Variants in ADGRG6 observed in about 807,000 individuals in gnomAD.
The protein encoded by ADGRG6 is adhesion G protein-coupled receptor G6, also known as G-protein coupled receptor 126.
ADGRG6 carries 84 observed loss-of-function variants against 142.4 expected under a neutral mutation model. The observed-to-expected ratio is 0.59, with a 90% CI of 0.49 to 0.71. The LOEUF (loss-of-function observed/expected upper bound fraction) is 0.71, where lower values mean the gene tolerates loss of function less well. Ranked by LOEUF, ADGRG6 falls within the 30% of genes least tolerant of loss-of-function variation. The probability of loss-of-function intolerance (pLI) is 0.00; values close to 1 mark genes in which losing one functional copy is unlikely to be tolerated. For missense variants in ADGRG6, 1,367 were observed against 1,466.6 expected (o/e 0.93, Z 1.11); for synonymous variants, 521 against 520.5 (o/e 1.00, Z -0.01).
chr6:142,346,110 T>A (rs1212717067), intron 2 of ADGRG6, among the ~76,000 whole-genome samples: 1 of 152,134 alleles, frequency 6.6e-6, no homozygotes, highest in East Asian at 1.9e-4. Context: ...AAAACCTTCC[T>A]GAGACACCTT....
At chr6:142,434,779 GTGCTCAGTTGCTAATCACC>G (rs1368296737) in intron 22 of ADGRG6, among the ~76,000 whole-genome samples, 4 of 152,078 alleles carry the variant, frequency 2.6e-5, no homozygotes, top group Admixed American at 2.6e-4. Context: ...ATCAGGGCTT[GTGCTCAGTTGCTAATCACC>G]AAACAACAAG....
intron 2 of ADGRG6, 37 bp from the exon 3 acceptor site, chr6:142,367,532 A>G: frequency 6.5e-7 from 1 of 1,546,210 alleles, no homozygotes; most frequent in Non-Finnish European, 8.9e-7. Context: ...ATCTGAACCC[A>G]GCCCTTCTCT....
intron 2 of ADGRG6, among the ~76,000 whole-genome samples, chr6:142,320,554 C>G (rs942214748): frequency 1.3e-5 from 2 of 152,046 alleles, no homozygotes; most frequent in Non-Finnish European, 2.9e-5. Flanking sequence ...TCCATATGTA[C>G]TGAGGCTTTG....
intron 2 of ADGRG6, among the ~76,000 whole-genome samples, chr6:142,357,060 T>G (rs1780481177): frequency 6.6e-6 from 1 of 152,194 alleles, no homozygotes; most frequent in South Asian, 2.1e-4. Context: ...TCGAGAGAGC[T>G]TCTAGTTTAG....
chr6:142,388,476 G>A (rs1192220253), intron 6 of ADGRG6, among the ~76,000 whole-genome samples: 1 of 151,768 alleles, frequency 6.6e-6, no homozygotes, highest in African/African-American at 2.4e-5. Flanking sequence ...CTTACGGTAG[G>A]GTTTGCATTC....
At chr6:142,359,034 C>A (rs1780586926) in intron 2 of ADGRG6, among the ~76,000 whole-genome samples, 1 of 150,000 alleles carries the variant, frequency 6.7e-6, no homozygotes, top group Non-Finnish European at 1.5e-5. Flanking sequence ...TATGAGATCC[C>A]CTCTACAATT....
intron 16 of ADGRG6, among the ~76,000 whole-genome samples, chr6:142,409,329 A>T (rs909597409): frequency 6.6e-6 from 1 of 152,166 alleles, no homozygotes. Context: ...ATGTTGTAGC[A>T]TCTGTCAGAA....
At chr6:142,324,871 A>G (rs1353853055) in intron 2 of ADGRG6, among the ~76,000 whole-genome samples, 1 of 152,092 alleles carries the variant, frequency 6.6e-6, no homozygotes, top group Non-Finnish European at 1.5e-5. Context: ...CAAAACTAAG[A>G]AAGTATAGGT....
intron 5 of ADGRG6, 64 bp downstream of exon 5, chr6:142,382,083 G>A: frequency 3.2e-6 from 3 of 940,062 alleles, no homozygotes; most frequent in Non-Finnish European, 5.0e-6. Flanking sequence ...GGGTAATGTG[G>A]TTGTCATTGT....
intron 20 of ADGRG6, 98 bp downstream of exon 20, chr6:142,416,162 A>G (rs776083999): frequency 4.2e-5 from 35 of 823,654 alleles, no homozygotes; most frequent in Non-Finnish European, 6.6e-5. Context: ...TAGTACCATT[A>G]AGAGGAACCT....
At chr6:142,405,350 C>G (rs1247253606) in intron 14 of ADGRG6, 1 of 467,340 alleles carries the variant, frequency 2.1e-6, no homozygotes, top group Non-Finnish European at 4.3e-6. Flanking sequence ...TAGTTATTAT[C>G]TTTCACTACG....
At chr6:142,365,496 G>A (rs1287955333) in intron 2 of ADGRG6, among the ~76,000 whole-genome samples, 1 of 152,128 alleles carries the variant, frequency 6.6e-6, no homozygotes, top group Non-Finnish European at 1.5e-5. Flanking sequence ...TCACAAAGTA[G>A]TGGAAGAAGA....
chr6:142,434,944 C>T (rs118124030), intron 22 of ADGRG6, among the ~76,000 whole-genome samples: 1,999 of 151,978 alleles, frequency 0.013, 31 homozygotes, highest in Non-Finnish European at 0.02. Flanking sequence ...TTTGAATCTT[C>T]GTATTAAAAA....
intron 2 of ADGRG6, among the ~76,000 whole-genome samples, chr6:142,364,393 A>G (rs908156246): frequency 4.6e-5 from 7 of 152,178 alleles, no homozygotes; most frequent in Admixed American, 6.6e-5. Context: ...TATGAGTGTC[A>G]TCTTTATCTT....
intron 2 of ADGRG6, among the ~76,000 whole-genome samples, chr6:142,332,426 G>T (rs922695553): frequency 2.6e-5 from 4 of 151,116 alleles, no homozygotes; most frequent in African/African-American, 9.7e-5. Context: ...TAAATTTCTG[G>T]CTTGAGACCT....
intron 2 of ADGRG6, among the ~76,000 whole-genome samples, chr6:142,365,151 C>T (rs1050916364): frequency 3.9e-5 from 6 of 152,162 alleles, no homozygotes; most frequent in Admixed American, 1.3e-4. Flanking sequence ...GAGCCCAAGG[C>T]AAAGTAACAC....
At chr6:142,366,397 C>T (rs769791189) in intron 2 of ADGRG6, among the ~76,000 whole-genome samples, 3 of 152,156 alleles carry the variant, frequency 2.0e-5, no homozygotes, top group South Asian at 2.1e-4. Context: ...CTGTGATCTG[C>T]GGTGCTATAC....
chr6:142,319,741 G>A (rs1778425004), intron 2 of ADGRG6, among the ~76,000 whole-genome samples: 1 of 152,002 alleles, frequency 6.6e-6, no homozygotes, highest in Non-Finnish European at 1.5e-5. Context: ...CAGAGAGAAA[G>A]ACATCTTTAT....
At chr6:142,436,122 A>G (rs1031616534) in intron 22 of ADGRG6, among the ~76,000 whole-genome samples, 4 of 152,092 alleles carry the variant, frequency 2.6e-5, no homozygotes, top group African/African-American at 9.7e-5. Context: ...GGTGGGGGGT[A>G]GGGGAGAGAA....
Sources: allele counts gnomAD v4.1 joint callset (sites outside exome capture counted in the v4.1 genomes callset), GRCh38; gene constraint gnomAD v4.1.1; transcripts MANE v1.5; gene names NCBI Gene and HGNC (gene_info 2026-07-23, HGNC 2026-07-21).